Variants in C19orf47 observed in about 807,000 individuals in gnomAD.
The protein encoded by C19orf47 is chromosome 19 open reading frame 47.
Under a neutral mutation model 32.3 loss-of-function variants are expected in C19orf47, and 18 were observed. The ratio of observed to expected loss-of-function variants is 0.56; its 90% confidence interval spans 0.39 to 0.83. The LOEUF is 0.83. Among genes scored for constraint, C19orf47 ranks in the 40% least tolerant of loss-of-function variants. C19orf47 has a pLI of 0.00. For synonymous variants in C19orf47, 202 were observed against 211.1 expected (o/e 0.96, Z 0.37); for missense variants, 484 against 531.6 (o/e 0.91, Z 0.88).
rs998677321 is a variant in C19orf47 at position 40,321,423 on chromosome 19, G to T, written c.*459C>A. 7 of 997,640 alleles carry T rather than the reference G, an allele frequency of 7.0e-6. No homozygotes were observed. The highest frequency in any genetic ancestry group is 1.1e-4 in the Admixed American group (2 of 17,650). The allele number at this position is 997,640 out of a possible 1,614,324, so 61.8% of individuals were successfully genotyped here. ...AGGGAGAGAGAGAAGTCACAGCAGT[G>T]GGGGGAGGCGCAGAGGAGTGAGGGA... On this transcript the variant is annotated 3_prime_UTR_variant, in exon 9 of 9. Coordinates refer to ENST00000683109, the MANE Select transcript of C19orf47 (RefSeq NM_001256441.2).
At chr19:40,340,315 T>G (rs1302599732) in intron 2 of C19orf47, among the ~76,000 whole-genome samples, 1 of 152,134 alleles carries the variant, frequency 6.6e-6, no homozygotes. Context: ...TACTCACTCC[T>G]TCCCAGAGGC....
chr19:40,333,973 T>C (rs2078008391), intron 4 of C19orf47, 44 bp from the exon 5 acceptor site: 4 of 1,456,976 alleles, frequency 2.7e-6, no homozygotes, highest in Non-Finnish European at 3.7e-6. Flanking sequence ...AGAAGAATCA[T>C]GCATCAACCT....
intron 6 of C19orf47, among the ~76,000 whole-genome samples, chr19:40,327,811 G>C (rs1490199021): frequency 6.6e-6 from 1 of 152,290 alleles, no homozygotes; most frequent in East Asian, 1.9e-4. Context: ...GGGTCACCAG[G>C]AGCAAAGGCC....
intron 5 of C19orf47, among the ~76,000 whole-genome samples, chr19:40,331,365 T>C (rs1192924869): frequency 6.6e-6 from 1 of 152,196 alleles, no homozygotes; most frequent in Non-Finnish European, 1.5e-5. Context: ...CCATCAGATA[T>C]GTGAATGCGG....
At chr19:40,298,908 TGAGTGAATTTATTATGTCTTAAAAATGA>T in the C19orf47 span, among the ~76,000 whole-genome samples, 109,170 of 150,922 alleles carry the variant, frequency 0.72, 39,710 homozygotes, top group African/African-American at 0.79. Flanking sequence ...TGACCAAAAT[TGAGTGAATTTATTATGTCTTAAAAATGA>T]GAGTGAATTT....
At position 40,333,834 on chromosome 19, in the gene C19orf47, G is replaced by T. The variant is rs367669917; in HGVS notation, c.301+17C>A. 2 of 1,537,732 alleles carry T rather than the reference G, an allele frequency of 1.3e-6. No individual in the cohort carries two copies. The highest frequency in any genetic ancestry group is 2.4e-5 in the East Asian group (1 of 41,084). ...TATAAAAATCAAGGAAAAGAGGCCTGAATAGTTAGGACTCACCACTGGTGC... is the reference window on the plus strand; with the variant it reads ...TATAAAAATCAAGGAAAAGAGGCCTTAATAGTTAGGACTCACCACTGGTGC... On this transcript the variant is annotated intron_variant, in intron 5 of 8. Transcript: ENST00000683109.
chr19:40,341,488 G>T (rs902872535), intron 2 of C19orf47, among the ~76,000 whole-genome samples: 2 of 152,108 alleles, frequency 1.3e-5, no homozygotes, highest in African/African-American at 4.8e-5. Context: ...GGTTTGTTTA[G>T]AACTATGCCC....
chr19:40,322,948 C>T (rs2077751800), intron 8 of C19orf47, among the ~76,000 whole-genome samples: 1 of 152,220 alleles, frequency 6.6e-6, no homozygotes, highest in South Asian at 2.1e-4. Context: ...GGGCAGAAGA[C>T]AGGGGTGGCT....
chr19:40,337,323 C>A (rs199581352), intron 2 of C19orf47, among the ~76,000 whole-genome samples: 101 of 68,044 alleles, frequency 1.5e-3, no homozygotes, highest in Middle Eastern at 8.6e-3. Flanking sequence ...ATTATTATTA[C>A]TATTACTCCC....
At chr19:40,299,692 C>A in the C19orf47 span, 6 of 152,136 alleles carry the variant, frequency 3.9e-5, no homozygotes, top group East Asian at 1.2e-3. Flanking sequence ...GCCAGTTGAG[C>A]CCCTGGGAAA....
the C19orf47 span, among the ~76,000 whole-genome samples, chr19:40,308,065 A>G: frequency 1.3e-5 from 2 of 152,172 alleles, no homozygotes; most frequent in Non-Finnish European, 2.9e-5. Context: ...CACACAATCA[A>G]GAAGGTTTAA....
intron 1 of C19orf47, 113 bp downstream of exon 1, chr19:40,348,211 C>T: frequency 3.0e-6 from 2 of 670,148 alleles, no homozygotes; most frequent in East Asian, 3.8e-5. Context: ...CTCAAAGAAA[C>T]AAATCGTAAG....
At chr19:40,323,425 C>T (rs2077762747) in intron 8 of C19orf47, among the ~76,000 whole-genome samples, 1 of 152,210 alleles carries the variant, frequency 6.6e-6, no homozygotes, top group Admixed American at 6.5e-5. Context: ...GTACTCTGAG[C>T]TACACACCAG....
chr19:40,317,100 T>C (rs918335855), downstream of C19orf47, among the ~76,000 whole-genome samples: 1 of 152,136 alleles, frequency 6.6e-6, no homozygotes, highest in African/African-American at 2.4e-5. Context: ...TTTTGAACCA[T>C]GTGAATGTAT....
the C19orf47 span, among the ~76,000 whole-genome samples, chr19:40,301,232 AT>A: frequency 5.7e-4 from 86 of 151,372 alleles, 1 homozygote; most frequent in Non-Finnish European, 2.1e-4. Context: ...ACAGATTATA[AT>A]TTTTTTTTAA....
At chr19:40,326,522 A>G in intron 6 of C19orf47, 36 bp from the exon 7 acceptor site, 1 of 1,600,684 alleles carries the variant, frequency 6.2e-7, no homozygotes, top group African/African-American at 1.3e-5. Flanking sequence ...GCACTCTCTG[A>G]GACAGAACGT....
chr19:40,333,955 G>T, intron 4 of C19orf47, 26 bp from the exon 5 acceptor site: 10 of 1,532,452 alleles, frequency 6.5e-6, no homozygotes, highest in Non-Finnish European at 8.8e-6. Flanking sequence ...AGGCACCTGG[G>T]TCACCACAGA....
chr19:40,322,462 C>T, intron 8 of C19orf47, 86 bp from the exon 9 acceptor site: 1 of 1,412,312 alleles, frequency 7.1e-7, no homozygotes, highest in Non-Finnish European at 9.4e-7. Flanking sequence ...GCCTGGCCTC[C>T]TGGGACTCAC....
At chr19:40,298,832 A>C in the C19orf47 span, among the ~76,000 whole-genome samples, 1 of 152,208 alleles carries the variant, frequency 6.6e-6, no homozygotes, top group African/African-American at 2.4e-5. Flanking sequence ...AAAGGAAGGA[A>C]GAAAAGATAC....
Sources: allele counts gnomAD v4.1 joint callset (sites outside exome capture counted in the v4.1 genomes callset), GRCh38; gene constraint gnomAD v4.1.1; transcripts MANE v1.5; gene names NCBI Gene and HGNC (gene_info 2026-07-23, HGNC 2026-07-21).